The following CANX variants were observed in gnomAD, a reference collection of about 807,000 sequenced individuals.
CANX encodes epididymis secretory sperm binding protein.
In CANX, 14 loss-of-function variants were observed where a neutral mutation model predicts 75.7. That is an observed-to-expected ratio of 0.19 (90% CI 0.12 to 0.29). The LOEUF (loss-of-function observed/expected upper bound fraction) is 0.29, where lower values mean the gene tolerates loss of function less well. Among genes scored for constraint, CANX ranks in the 10% least tolerant of loss-of-function variants. CANX has a pLI of 1.00. For synonymous variants in CANX, 227 were observed against 236.9 expected (o/e 0.96, Z 0.38); for missense variants, 567 against 713.2 (o/e 0.79, Z 2.34).
chr5:179,711,474 C>T lies in CANX; in HGVS notation c.721+1409C>T, dbSNP rs554789416. 2.6e-5 allele frequency among the ~76,000 whole-genome samples: 4 copies of T among 151,760 alleles called. No individual in the cohort carries two copies. The South Asian group carries it at 6.2e-4, about 24-fold the overall frequency. ...CTTCTTTTCCACAGGAACTGAGGTT[C>T]GAGATAATTTTAAGAATAGAATAGG... is the stretch of plus-strand genomic sequence containing the variant. On this transcript the variant is annotated intron_variant, in intron 7 of 14. Coordinates refer to ENST00000247461, the MANE Select transcript of CANX (RefSeq NM_001746.4).
intron 8 of CANX, among the ~76,000 whole-genome samples, chr5:179,717,985 G>T (rs1406450304): frequency 9.2e-5 from 14 of 152,038 alleles, no homozygotes. Flanking sequence ...CAAAGTGCTG[G>T]GATTGCAGGC....
At chr5:179,689,379 G>GTTTTTGTTTTTTT (rs1314455784) in intron 1 of CANX, among the ~76,000 whole-genome samples, 1 of 83,676 alleles carries the variant, frequency 1.2e-5, no homozygotes, top group African/African-American at 4.8e-5. Flanking sequence ...AACCCAACAA[G>GTTTTTGTTTTTTT]TTTTTTTTTT....
intron 1 of CANX, chr5:179,699,891 T>C (rs1776618864): frequency 6.6e-6 from 1 of 152,236 alleles, no homozygotes; most frequent in Non-Finnish European, 1.5e-5. Flanking sequence ...TGATTGGTCA[T>C]TGGTTGCTCT....
intron 1 of CANX, chr5:179,679,128 C>T (rs1381707004): frequency 2.0e-6 from 3 of 1,535,644 alleles, no homozygotes; most frequent in Non-Finnish European, 2.6e-6. Flanking sequence ...GCCGAGCACT[C>T]GAAGGTTGCC....
rs1778882262 is a variant in CANX at position 179,729,674 on chromosome 5, C to T, written c.*1030C>T. 6.6e-6 allele frequency: 1 copy of T among 152,642 alleles called. No individual in the cohort carries two copies. The highest frequency in any genetic ancestry group is 2.1e-4 in the South Asian group (1 of 4,836). The allele number at this position is 152,642 out of a possible 1,614,324, so 9.5% of individuals were successfully genotyped here. ...GTGTATGTTTCTTCTTTCTTTTAAG[C>T]AGACCCATACCTTTCCAGGGTCAAA... is the stretch of plus-strand genomic sequence containing the variant. On this transcript the variant is annotated 3_prime_UTR_variant, in exon 15 of 15. Coordinates refer to ENST00000247461, the MANE Select transcript of CANX (RefSeq NM_001746.4).
intron 14 of CANX, among the ~76,000 whole-genome samples, chr5:179,727,305 C>T (rs1229046275): frequency 1.3e-5 from 2 of 151,990 alleles, no homozygotes; most frequent in African/African-American, 2.4e-5. Context: ...AACAACACAG[C>T]GTATTAGGAA....
intron 13 of CANX, among the ~76,000 whole-genome samples, chr5:179,726,309 T>C (rs1313405666): frequency 6.6e-6 from 1 of 151,508 alleles, no homozygotes; most frequent in Non-Finnish European, 1.5e-5. Flanking sequence ...CCGGGCGCGA[T>C]GGCTCACGCC....
Position 179,679,191 on chromosome 5 carries a change from G to A in CANX, c.-4+414G>A, listed in dbSNP as rs1405223711. 6 of 1,534,938 alleles carry A rather than the reference G, an allele frequency of 3.9e-6. No individual in the cohort carries two copies. In the Middle Eastern group the frequency reaches 5.9e-4, roughly 151 times the overall value. On this transcript the variant is annotated intron_variant, in intron 1 of 14. Coordinates refer to the CANX transcript ENST00000681674. The stretch of plus-strand genomic sequence containing the variant: ...GTGCTCGAAGGGGAGCCTCGGGAGC[G>A]CTGGCGACTCGTGCTGCGCTCTTGT...
At position 179,730,405 on chromosome 5, in the gene CANX, CTT is replaced by C. The variant is rs1778924857; in HGVS notation, c.*1763_*1764del. The C allele has an allele frequency of 6.6e-6, 1 of 152,180 alleles. No homozygotes were observed. Among genetic ancestry groups the C allele is most frequent in the Non-Finnish European group, 1.5e-5 (1 of 68,040 alleles). The allele number at this position is 152,180 out of a possible 1,614,324, so 9.4% of individuals were successfully genotyped here. On this transcript the variant is annotated 3_prime_UTR_variant, in exon 15 of 15. Transcript: ENST00000247461. ...ACAGTGACCTTAGCTACATAGCAGACTTTCCCAAATGTATTGATTACAAATAA... is the reference window on the plus strand; with the variant it reads ...ACAGTGACCTTAGCTACATAGCAGACTCCCAAATGTATTGATTACAAATAA...
In CANX at chr5:179,708,154, T is replaced by A. The variant is rs1777289512; in HGVS notation, c.305-85T>A. 10 of 1,095,022 alleles carry A rather than the reference T, an allele frequency of 9.1e-6. No homozygotes were observed. The South Asian group carries it at 1.3e-4, about 14-fold the overall frequency. The allele number at this position is 1,095,022 out of a possible 1,614,324, so 67.8% of individuals were successfully genotyped here. A position where few individuals can be genotyped will look rare whatever the true frequency, so the allele number is the denominator to read the frequency against. Reference sequence around the variant, plus strand: ...CGGCTGCCCCAGTATAATATATTTATGCAACTAGGAGGTGTTTTTTTTGGC... The same window carrying A: ...CGGCTGCCCCAGTATAATATATTTAAGCAACTAGGAGGTGTTTTTTTTGGC... On this transcript the variant is annotated intron_variant, in intron 4 of 14. Coordinates refer to ENST00000247461, the MANE Select transcript of CANX (RefSeq NM_001746.4).
At chr5:179,693,787 G>A (rs1776342490), upstream of CANX, among the ~76,000 whole-genome samples, 1 of 151,826 alleles carries the variant, frequency 6.6e-6, no homozygotes, top group Non-Finnish European at 1.5e-5. Flanking sequence ...AGGCTGCAGT[G>A]AGCCATGATT....
intron 1 of CANX, among the ~76,000 whole-genome samples, chr5:179,686,863 C>A (rs115039315): frequency 6.6e-6 from 1 of 152,172 alleles, no homozygotes; most frequent in African/African-American, 2.4e-5. Flanking sequence ...CTGCAACTTC[C>A]GGCTCCAGGG....
At chr5:179,679,404 G>T (rs1775996279) in intron 1 of CANX, 2 of 689,826 alleles carry the variant, frequency 2.9e-6, no homozygotes, top group Non-Finnish European at 2.4e-6. Context: ...GGAGCCCGTC[G>T]TTCCACGCTG....
At chr5:179,689,378 A>AGTTTTTTT (rs1776254760) in intron 1 of CANX, among the ~76,000 whole-genome samples, 2 of 98,234 alleles carry the variant, frequency 2.0e-5, no homozygotes, top group Admixed American at 1.1e-4. Flanking sequence ...AAACCCAACA[A>AGTTTTTTT]GTTTTTTTTT....
rs555626485 is a variant in CANX at position 179,722,936 on chromosome 5, A to G, written c.1315A>G (p.Ile439Val). Residue 439 changes from isoleucine to valine, a missense_variant, in exon 11 of 15, where the codon ATC becomes GTC. Physicochemically the swap from Ile to Val is conservative, Grantham distance 29. This residue lies in a region of CANX where 49 missense variants were observed against 100.1 expected (regional missense o/e 0.49). Transcript: ENST00000247461. ...CTCTGACATTTTTTTTGACAACTTTATCATTTGTGCTGATCGAAGAATAGT... is the reference window on the plus strand; with the variant it reads ...CTCTGACATTTTTTTTGACAACTTTGTCATTTGTGCTGATCGAAGAATAGT... ...MTSDIFFDNF[I>V]ICADRRIVDD... The G allele has an allele frequency of 1.9e-6, 3 of 1,614,076 alleles. No homozygotes were observed. Among genetic ancestry groups the G allele is most frequent in the East Asian group, 4.5e-5 (2 of 44,862 alleles).
At chr5:179,692,236 G>A (rs6866388) in intron 1 of CANX, among the ~76,000 whole-genome samples, 6,589 of 151,866 alleles carry the variant, frequency 0.043, 197 homozygotes, top group African/African-American at 0.081. Context: ...CACCATGCCC[G>A]GCTAATTTTT....
upstream of CANX, among the ~76,000 whole-genome samples, chr5:179,695,743 C>T (rs909878691): frequency 4.6e-5 from 7 of 150,976 alleles, no homozygotes; most frequent in Admixed American, 6.6e-5. Context: ...CTCCGCCTTC[C>T]GGGTTCACAC....
In CANX at chr5:179,710,707, C is replaced by CAAAAAAAAAAA. The variant is rs71591440; in HGVS notation, c.721+648_721+658dup. Among the ~76,000 whole-genome samples the CAAAAAAAAAAA allele has an allele frequency of 1.4e-3, 38 of 27,364 alleles. 4 individuals are homozygous for CAAAAAAAAAAA. Among genetic ancestry groups the CAAAAAAAAAAA allele is most frequent in the East Asian group, 2.7e-3 (2 of 754 alleles). The allele number at this position is 27,364 out of a possible 152,430, so 18.0% of individuals were successfully genotyped here. On this transcript the variant is annotated intron_variant, in intron 7 of 14. Coordinates refer to ENST00000247461, the MANE Select transcript of CANX (RefSeq NM_001746.4). ...TAGGAGACAGAGCAAGACTCCATCT[C>CAAAAAAAAAAA]AAAAAAAAAAAAAAAAGATTGTATA...
intron 1 of CANX, chr5:179,701,059 G>A (rs538521166): frequency 1.3e-5 from 2 of 152,028 alleles, no homozygotes; most frequent in African/African-American, 2.4e-5. Flanking sequence ...GTAGAGACGG[G>A]GTTTCACCGT....
Sources: gnomAD v4.1 joint callset for allele counts (sites outside exome capture counted in the v4.1 genomes callset) on GRCh38, gnomAD v4.1.1 for gene constraint, gnomAD v4.1.1 regional missense constraint, MANE v1.5 for transcripts, NCBI Gene and HGNC (gene_info 2026-07-23, HGNC 2026-07-21) for gene names.